ZNF431: variants seen among roughly 807,000 people sequenced by gnomAD.
ZNF431 encodes the protein zinc finger protein 431.
A neutral mutation model predicts 57.0 loss-of-function variants in ZNF431; 34 were observed. The observed-to-expected ratio is 0.60, with a 90% confidence interval of 0.45 to 0.79. The LOEUF is 0.79. ZNF431 is among the 30% of genes least tolerant of loss of function. The pLI is 0.00. For synonymous variants in ZNF431, 207 were observed against 220.3 expected, an observed-to-expected ratio of 0.94 and a Z score of 0.54; for missense variants, 607 against 667.1, an observed-to-expected ratio of 0.91 and a Z score of 0.99.
At chr19:21,163,101 T>C (rs73028541) in intron 2 of ZNF431, among the ~76,000 whole-genome samples, 1 of 152,022 alleles carries the variant, frequency 6.6e-6, no homozygotes, top group South Asian at 2.1e-4. Context: ...CAGGGTGTTA[T>C]GAGGATTAAG....
intron 4 of ZNF431, among the ~76,000 whole-genome samples, chr19:21,182,312 G>A (rs752397583): frequency 1.3e-5 from 2 of 152,190 alleles, no homozygotes; most frequent in Admixed American, 6.5e-5. Flanking sequence ...GCACTATGTT[G>A]TATTGTTGAG....
chr19:21,144,375 T>C (rs950925687), intron 2 of ZNF431, among the ~76,000 whole-genome samples: 1 of 149,892 alleles, frequency 6.7e-6, no homozygotes, highest in African/African-American at 2.5e-5. Flanking sequence ...ATTTTTTGTA[T>C]TTTTTTTTAG....
intron 2 of ZNF431, among the ~76,000 whole-genome samples, chr19:21,163,307 TG>T (rs754310735): frequency 1.4e-4 from 21 of 152,364 alleles, no homozygotes; most frequent in South Asian, 4.1e-4. Flanking sequence ...GGATGGAGAT[TG>T]GTTGTCTCCA....
Position 21,186,771 on chromosome 19 carries a change from T to C in ZNF431, c.*2737T>C, listed in dbSNP as rs569876429. ...GCGATTATAAGAATTTTTATGAAAT[T>C]TAGTGCACACAAAATAATCTTTAGA... On this transcript the variant is annotated 3_prime_UTR_variant, in exon 5 of 5. Coordinates refer to ENST00000311048, the MANE Select transcript of ZNF431 (RefSeq NM_133473.4). The C allele has an allele frequency of 4.6e-5, 7 of 152,302 alleles. No homozygotes were observed. In the South Asian group the frequency reaches 1.4e-3, roughly 32 times the overall value. The allele number at this position is 152,302 out of a possible 1,614,324, so 9.4% of individuals were successfully genotyped here.
rs141186657 is a variant in ZNF431, at chr19:21,184,847, A to G, written c.*813A>G. ...AATATAAGCTTTTTTAGTGAAGAGT[A>G]TTTATTTTGAAGTTGAACATCACAA... On this transcript the variant is annotated 3_prime_UTR_variant, in exon 5 of 5. Coordinates refer to ENST00000311048, the MANE Select transcript of ZNF431 (RefSeq NM_133473.4). The G allele has an allele frequency of 6.6e-6, 1 of 152,420 alleles. No homozygotes were observed. The highest frequency in any genetic ancestry group is 6.5e-5 in the Admixed American group (1 of 15,290). The allele number at this position is 152,420 out of a possible 1,614,324, so 9.4% of individuals were successfully genotyped here.
intron 4 of ZNF431, among the ~76,000 whole-genome samples, chr19:21,182,054 C>T (rs1971222052): frequency 1.3e-5 from 2 of 151,370 alleles, no homozygotes; most frequent in African/African-American, 4.9e-5. Flanking sequence ...TCATCTTAAT[C>T]AGCAGTCATT....
intron 2 of ZNF431, among the ~76,000 whole-genome samples, chr19:21,161,876 A>T (rs1464082915): frequency 6.6e-6 from 1 of 151,614 alleles, no homozygotes; most frequent in Non-Finnish European, 1.5e-5. Context: ...CTGATCTCGA[A>T]CTCCCGACCT....
chr19:21,193,932 CAA>C lies in ZNF431; in HGVS notation c.*9901_*9902del, dbSNP rs1252498397. 1.3e-5 allele frequency: 2 copies of C among 151,806 alleles called. No individual in the cohort carries two copies. The highest frequency in any genetic ancestry group is 2.9e-5 in the Non-Finnish European group (2 of 67,968). The allele number at this position is 151,806 out of a possible 1,614,324, so 9.4% of individuals were successfully genotyped here. A position where few individuals can be genotyped will look rare whatever the true frequency, so the allele number is the denominator to read the frequency against. ...ATCCTCAGCTAACATACTGAACAGACAAAAGGGGCATGCATTTCTCATTAGAA... is the reference window on the plus strand; with the variant it reads ...ATCCTCAGCTAACATACTGAACAGACAAGGGGCATGCATTTCTCATTAGAA... On this transcript the variant is annotated 3_prime_UTR_variant, in exon 5 of 5. Coordinates refer to ENST00000311048, the MANE Select transcript of ZNF431 (RefSeq NM_133473.4).
At chr19:21,174,602 T>C (rs1970998475) in intron 4 of ZNF431, among the ~76,000 whole-genome samples, 1 of 152,198 alleles carries the variant, frequency 6.6e-6, no homozygotes, top group Admixed American at 6.5e-5. Context: ...TGGTTACTAT[T>C]TGCATGGAAT....
At chr19:21,151,674 C>G (rs35202378) in intron 2 of ZNF431, among the ~76,000 whole-genome samples, 1 of 152,160 alleles carries the variant, frequency 6.6e-6, no homozygotes, top group Admixed American at 6.5e-5. Flanking sequence ...GAGCACTTTT[C>G]TGAGCCATCT....
chr19:21,177,677 A>G (rs946115955), intron 4 of ZNF431, among the ~76,000 whole-genome samples: 1 of 152,086 alleles, frequency 6.6e-6, no homozygotes, highest in African/African-American at 2.4e-5. Context: ...AATCCTAGCT[A>G]CTTGGGAGGC....
In ZNF431 at chr19:21,192,012, G is replaced by A. The variant is rs1971519671; in HGVS notation, c.*7978G>A. 1 of 152,142 alleles carries A rather than the reference G, an allele frequency of 6.6e-6. No homozygotes were observed. The highest frequency in any genetic ancestry group is 6.5e-5 in the Admixed American group (1 of 15,280). The allele number at this position is 152,142 out of a possible 1,614,324, so 9.4% of individuals were successfully genotyped here. A position where few individuals can be genotyped will look rare whatever the true frequency, so the allele number is the denominator to read the frequency against. ...TTATGTATTAATTTCTATTTAGAAT[G>A]TAAGGCGTTTCAACTTTTTGGTTAA... On this transcript the variant is annotated 3_prime_UTR_variant, in exon 5 of 5. Transcript: ENST00000311048.
chr19:21,177,034 AT>A (rs1971075347), intron 4 of ZNF431, among the ~76,000 whole-genome samples: 1 of 152,124 alleles, frequency 6.6e-6, no homozygotes, highest in African/African-American at 2.4e-5. Context: ...CTTTAGTTTA[AT>A]TAGATCCCAT....
At position 21,195,586 on chromosome 19, in the gene ZNF431, C is replaced by T. The variant is rs893856673; in HGVS notation, c.*11552C>T. 1 of 152,088 alleles carries T rather than the reference C, an allele frequency of 6.6e-6. No individual in the cohort carries two copies. The highest frequency in any genetic ancestry group is 1.5e-5 in the Non-Finnish European group (1 of 68,024). The allele number at this position is 152,088 out of a possible 1,614,324, so 9.4% of individuals were successfully genotyped here. ...GACAACCATGATTATGATGTATATA[C>T]CTGGTATAAACAATCTTTTTTGCAT... On this transcript the variant is annotated 3_prime_UTR_variant, in exon 5 of 5. Coordinates refer to ENST00000311048, the MANE Select transcript of ZNF431 (RefSeq NM_133473.4).
intron 2 of ZNF431, among the ~76,000 whole-genome samples, chr19:21,148,118 C>T (rs1402753555): frequency 6.6e-6 from 1 of 151,918 alleles, no homozygotes; most frequent in Admixed American, 6.6e-5. Flanking sequence ...GCCTCAGCCT[C>T]TTGAGTAGCT....
chr19:21,144,021 T>C (rs1970014325), intron 2 of ZNF431, among the ~76,000 whole-genome samples: 1 of 150,408 alleles, frequency 6.6e-6, no homozygotes, highest in South Asian at 2.1e-4. Context: ...TGAGCAGGAG[T>C]GGGTGGAAGA....
Position 21,190,009 on chromosome 19 carries a change from CAAA to C in ZNF431, c.*5979_*5981del. 1 of 390,454 alleles carries C rather than the reference CAAA, an allele frequency of 2.6e-6. No homozygotes were observed. The highest frequency in any genetic ancestry group is 4.5e-6 in the Non-Finnish European group (1 of 221,378). The allele number at this position is 390,454 out of a possible 1,614,324, so 24.2% of individuals were successfully genotyped here. On this transcript the variant is annotated 3_prime_UTR_variant, in exon 5 of 5. Coordinates refer to ENST00000311048, the MANE Select transcript of ZNF431 (RefSeq NM_133473.4). ...AAATACAAAAACAACAAAACAAAAA[CAAA>C]AAACACCTCAGCTGGGTGTGGTGGT...
intron 2 of ZNF431, among the ~76,000 whole-genome samples, chr19:21,162,244 G>A (rs1970593312): frequency 2.0e-5 from 3 of 151,462 alleles, no homozygotes; most frequent in Non-Finnish European, 4.4e-5. Flanking sequence ...CATGATCTTG[G>A]CACACTGCAA....
chr19:21,157,131 GTTTTA>G (rs777557332), intron 2 of ZNF431, among the ~76,000 whole-genome samples: 12 of 104,798 alleles, frequency 1.1e-4, no homozygotes, highest in Non-Finnish European at 1.7e-4. Context: ...GGTTTGTTTT[GTTTTA>G]TGTCTTTGTT....
Sources: allele counts gnomAD v4.1 joint callset (sites outside exome capture counted in the v4.1 genomes callset), GRCh38; gene constraint gnomAD v4.1.1; transcripts MANE v1.5; gene names NCBI Gene and HGNC (gene_info 2026-07-23, HGNC 2026-07-21).